Variants in SNX18 observed in about 807,000 individuals in gnomAD.
SNX18 encodes the protein sorting nexin-18.
A neutral mutation model predicts 48.7 loss-of-function variants in SNX18; 35 were observed. The observed-to-expected ratio is 0.72, with a 90% CI of 0.55 to 0.95. The LOEUF is 0.95. Ranked by LOEUF, SNX18 falls within the 40% of genes least tolerant of loss-of-function variation. The pLI is 0.00. For missense variants in SNX18, 824 were observed against 871.0 expected (o/e 0.95, Z 0.68); for synonymous variants, 492 against 384.7 (o/e 1.28, Z -3.26).
At chr5:54,626,901 G>C in the SNX18 span, among the ~76,000 whole-genome samples, 2 of 152,194 alleles carry the variant, frequency 1.3e-5, no homozygotes, top group African/African-American at 4.8e-5. Context: ...CATGCATGTA[G>C]AACATGTTGC....
At chr5:54,640,298 C>T in the SNX18 span, among the ~76,000 whole-genome samples, 1 of 151,912 alleles carries the variant, frequency 6.6e-6, no homozygotes, top group Non-Finnish European at 1.5e-5. Context: ...ACTGCAACCT[C>T]CATCTCCCAG....
chr5:54,646,142 T>G, the SNX18 span, among the ~76,000 whole-genome samples: 1 of 152,188 alleles, frequency 6.6e-6, no homozygotes, highest in Non-Finnish European at 1.5e-5. Flanking sequence ...AAATGCACTG[T>G]GCATGCTGAA....
At chr5:54,567,643 A>G in the SNX18 span, among the ~76,000 whole-genome samples, 136 of 152,364 alleles carry the variant, frequency 8.9e-4, no homozygotes, top group African/African-American at 3.1e-3. Context: ...TATACAATCC[A>G]GAACCACCTA....
chr5:54,616,092 A>G, the SNX18 span, among the ~76,000 whole-genome samples: 1 of 152,210 alleles, frequency 6.6e-6, no homozygotes, highest in Non-Finnish European at 1.5e-5. Flanking sequence ...TGTCTTAGAG[A>G]ACTTTGCAAG....
the SNX18 span, among the ~76,000 whole-genome samples, chr5:54,576,927 G>A: frequency 1.3e-5 from 2 of 152,166 alleles, no homozygotes; most frequent in African/African-American, 2.4e-5. Flanking sequence ...TCAGCCTCCC[G>A]AGTAGCTGGG....
the SNX18 span, among the ~76,000 whole-genome samples, chr5:54,627,358 T>C: frequency 1.3e-5 from 2 of 152,180 alleles, no homozygotes; most frequent in Non-Finnish European, 2.9e-5. Context: ...CTCTAATGCT[T>C]CCTCTTACCC....
At chr5:54,530,744 A>ATTTTTTTTTTTTTTTTTTTTTT (rs70986692) in intron 1 of SNX18, among the ~76,000 whole-genome samples, 2 of 72,520 alleles carry the variant, frequency 2.8e-5, no homozygotes, top group Admixed American at 2.1e-4. Flanking sequence ...AACCACAGAA[A>ATTTTTTTTTTTTTTTTTTTTTT]TTTTTTTTTT....
chr5:54,580,990 G>A, the SNX18 span, among the ~76,000 whole-genome samples: 1 of 152,106 alleles, frequency 6.6e-6, no homozygotes, highest in Non-Finnish European at 1.5e-5. Context: ...GCTTCATGGA[G>A]GAGGTAGGAC....
In SNX18 at chr5:54,519,188, C is replaced by T. The variant is rs1456343467; in HGVS notation, c.1236C>T (p.Ser412=). 6.2e-7 allele frequency: 1 copy of T among 1,613,762 alleles called. No individual in the cohort carries two copies. Among genetic ancestry groups the T allele is most frequent in the Admixed American group, 1.7e-5 (1 of 59,998 alleles). ...MVGANFFLTL[S]TPPAAALDLQ... ...GCGCCAACTTCTTCCTGACCCTTAGCACGCCCCCCGCCGCTGCCCTTGACC... is the reference window on the plus strand; with the variant it reads ...GCGCCAACTTCTTCCTGACCCTTAGTACGCCCCCCGCCGCTGCCCTTGACC... The change falls in exon 1 of 2, where the codon AGC becomes AGT. Residue 412 remains serine, a synonymous_variant. Coordinates refer to ENST00000381410, the MANE Select transcript of SNX18 (RefSeq NM_001102575.2).
chr5:54,543,145 T>C, intron 1 of SNX18, 34 bp from the exon 2 acceptor site: 1 of 1,594,260 alleles, frequency 6.3e-7, no homozygotes, highest in Non-Finnish European at 8.5e-7. Flanking sequence ...TGTGGATATA[T>C]AGGTTTTTAA....
rs915954734 is a variant in SNX18 at position 54,545,691 on chromosome 5, T to A, written c.*2259T>A. 1 of 152,168 alleles carries A rather than the reference T, an allele frequency of 6.6e-6. No homozygotes were observed. Among genetic ancestry groups the A allele is most frequent in the African/African-American group, 2.4e-5 (1 of 41,436 alleles). The allele number at this position is 152,168 out of a possible 1,614,324, so 9.4% of individuals were successfully genotyped here. On this transcript the variant is annotated 3_prime_UTR_variant, in exon 2 of 2. Transcript: ENST00000381410. Reference sequence around the variant, plus strand: ...TCTATGGGGGAGGACACTAGAATTATTAGTGTTCATTTTCATCTAAGATCT... The same window carrying A: ...TCTATGGGGGAGGACACTAGAATTAATAGTGTTCATTTTCATCTAAGATCT...
rs752359138 is a variant in SNX18 at position 54,519,889 on chromosome 5, A to G, written c.1621+316A>G. ...TGCTCAAATCTGTAATCTTGAGACG[A>G]GGGTAGAATTAGAAGGGGACCTAAA... On this transcript the variant is annotated intron_variant, in intron 1 of 1. Transcript: ENST00000381410. 7 of 1,475,556 alleles carry G rather than the reference A, an allele frequency of 4.7e-6. No homozygotes were observed. The Admixed American group carries it at 1.0e-4, about 21-fold the overall frequency. The allele number at this position is 1,475,556 out of a possible 1,614,324, so 91.4% of individuals were successfully genotyped here.
the SNX18 span, among the ~76,000 whole-genome samples, chr5:54,578,668 A>G: frequency 6.6e-6 from 1 of 152,204 alleles, no homozygotes; most frequent in Non-Finnish European, 1.5e-5. Context: ...GGTGACAGAG[A>G]GACAATAGGT....
At chr5:54,569,796 T>A in the SNX18 span, among the ~76,000 whole-genome samples, 4 of 152,284 alleles carry the variant, frequency 2.6e-5, no homozygotes, top group African/African-American at 9.6e-5. Flanking sequence ...GCCTTAGGCT[T>A]GGAAGACATA....
chr5:54,562,521 A>G, the SNX18 span, among the ~76,000 whole-genome samples: 43 of 152,130 alleles, frequency 2.8e-4, no homozygotes, highest in African/African-American at 1.0e-3. Flanking sequence ...GGAGCCCACA[A>G]ATTCCTATAG....
chr5:54,553,513 A>T, the SNX18 span, among the ~76,000 whole-genome samples: 1 of 152,206 alleles, frequency 6.6e-6, no homozygotes, highest in Non-Finnish European at 1.5e-5. Context: ...TTTCCAGTTT[A>T]ATTAACAATC....
chr5:54,532,566 T>G (rs1762269304), intron 1 of SNX18, among the ~76,000 whole-genome samples: 1 of 152,190 alleles, frequency 6.6e-6, no homozygotes, highest in African/African-American at 2.4e-5. Context: ...AATACATGGT[T>G]TTCTTTCTTA....
chr5:54,646,393 A>G, the SNX18 span, among the ~76,000 whole-genome samples: 1 of 152,230 alleles, frequency 6.6e-6, no homozygotes. Context: ...AGAAAGACTC[A>G]GCTTGCCCCG....
chr5:54,599,184 G>C, the SNX18 span, among the ~76,000 whole-genome samples: 3 of 152,122 alleles, frequency 2.0e-5, no homozygotes, highest in African/African-American at 2.4e-5. Context: ...TGACAATGCT[G>C]GCCTCATAGA....
Sources: gnomAD v4.1 joint callset for allele counts (sites outside exome capture counted in the v4.1 genomes callset) on GRCh38, gnomAD v4.1.1 for gene constraint, MANE v1.5 for transcripts, NCBI Gene and HGNC (gene_info 2026-07-23, HGNC 2026-07-21) for gene names.